The following MYOCD variants were observed in gnomAD, a reference collection of about 807,000 sequenced individuals.
MYOCD encodes myocardin.
A neutral mutation model predicts 96.1 loss-of-function variants in MYOCD; 32 were observed. The observed-to-expected ratio is 0.33, with a 90% CI of 0.25 to 0.45. The LOEUF is 0.45. MYOCD is among the 20% of genes least tolerant of loss of function. The pLI is 1.00. For synonymous variants in MYOCD, 469 were observed against 469.0 expected, an observed-to-expected ratio of 1.00 and a Z score of 0.00; for missense variants, 1,133 against 1,200.6, an observed-to-expected ratio of 0.94 and a Z score of 0.83.
chr17:12,691,945 G>A (rs2150656849), intron 1 of MYOCD, among the ~76,000 whole-genome samples: 1 of 152,266 alleles, frequency 6.6e-6, no homozygotes, highest in Admixed American at 6.5e-5. Flanking sequence ...CAGTCCCCAA[G>A]ACTGGCACTT....
chr17:12,710,917 A>G (rs1013948522), intron 2 of MYOCD, among the ~76,000 whole-genome samples: 2 of 152,190 alleles, frequency 1.3e-5, no homozygotes, highest in Non-Finnish European at 2.9e-5. Context: ...TAGAAACTAG[A>G]AAACTAGTCA....
chr17:12,733,885 A>AGG (rs57623484), intron 5 of MYOCD, among the ~76,000 whole-genome samples: 2 of 139,794 alleles, frequency 1.4e-5, no homozygotes, highest in Non-Finnish European at 1.5e-5. Flanking sequence ...AAAAAAGAAA[A>AGG]AAAGAAAGAA....
intron 1 of MYOCD, among the ~76,000 whole-genome samples, chr17:12,666,644 T>C (rs1316063369): frequency 1.3e-5 from 2 of 152,040 alleles, no homozygotes; most frequent in Admixed American, 1.3e-4. Context: ...GGTACAGGGG[T>C]CACTTAAAAT....
chr17:12,752,977 G>T lies in MYOCD; in HGVS notation c.1689G>T (p.Leu563=). The T allele has an allele frequency of 6.2e-7, 1 of 1,614,164 alleles. No homozygotes were observed. The highest frequency in any genetic ancestry group is 8.5e-7 in the Non-Finnish European group (1 of 1,180,030). ...ATAACTGTTCAGAGAAGAAGCCGCTGCCTTTCCTGGCTGCCTCCATCAAGC... is the reference window on the plus strand; with the variant it reads ...ATAACTGTTCAGAGAAGAAGCCGCTTCCTTTCCTGGCTGCCTCCATCAAGC... ...KRNNCSEKKP[L]PFLAASIKQE... Residue 563 remains leucine, a synonymous_variant, in exon 10 of 14, where the codon CTG becomes CTT. Coordinates refer to ENST00000425538, the MANE Select transcript of MYOCD (RefSeq NM_001146312.3).
In MYOCD at chr17:12,763,094, A is replaced by G; in HGVS notation, c.2411A>G (p.Glu804Gly). The G allele has an allele frequency of 1.2e-6, 2 of 1,612,336 alleles. No individual in the cohort carries two copies. Among genetic ancestry groups the G allele is most frequent in the Non-Finnish European group, 1.7e-6 (2 of 1,179,430 alleles). Reference sequence around the variant, plus strand: ...ACAGAAATGCCAGCAGACGCTAGAGAGGATCACTCATGTCTTCAAAAAGTC... The same window carrying G: ...ACAGAAATGCCAGCAGACGCTAGAGGGGATCACTCATGTCTTCAAAAAGTC... ...ESGEMPADAR[E>G]DHSCLQKVPK... The change falls in exon 14 of 14, where the codon GAG becomes GGG. Residue 804 changes from glutamate to glycine, a missense_variant. Coordinates refer to ENST00000425538, the MANE Select transcript of MYOCD (RefSeq NM_001146312.3).
chr17:12,744,129 A>T (rs1437767488), intron 7 of MYOCD, 54 bp from the exon 8 acceptor site: 14 of 1,581,322 alleles, frequency 8.9e-6, no homozygotes, highest in South Asian at 1.2e-5. Context: ...CATGATGCAA[A>T]ATCATTCTCA....
intron 10 of MYOCD, 27 bp from the exon 11 acceptor site, chr17:12,756,387 T>A (rs1018333078): frequency 1.9e-6 from 3 of 1,551,942 alleles, no homozygotes; most frequent in Non-Finnish European, 2.6e-6. Flanking sequence ...CTGCTGGCCA[T>A]GTAATTTGTC....
Position 12,744,943 on chromosome 17 carries a change from T to C in MYOCD, c.971+507T>C, listed in dbSNP as rs538232457. Among the ~76,000 whole-genome samples the C allele has an allele frequency of 2.0e-5, 3 of 152,342 alleles. No individual in the cohort carries two copies. The East Asian group carries it at 5.8e-4, about 29-fold the overall frequency. ...TAACTGAAATCTTGTAAAGTGAAAC[T>C]GCCAATAGGTGGAGGGACTGCTATA... On this transcript the variant is annotated intron_variant, in intron 8 of 13. Coordinates refer to ENST00000425538, the MANE Select transcript of MYOCD (RefSeq NM_001146312.3).
At chr17:12,690,416 CTCA>C (rs2030385502) in intron 1 of MYOCD, among the ~76,000 whole-genome samples, 1 of 151,942 alleles carries the variant, frequency 6.6e-6, no homozygotes, top group Non-Finnish European at 1.5e-5. Flanking sequence ...TACAAAATGG[CTCA>C]TCTTTAATGA....
At chr17:12,741,575 G>A (rs1023543412) in intron 7 of MYOCD, among the ~76,000 whole-genome samples, 1 of 152,092 alleles carries the variant, frequency 6.6e-6, no homozygotes, top group South Asian at 2.1e-4. Context: ...CGGACGTGGT[G>A]GCGTGTGCCT....
intron 1 of MYOCD, among the ~76,000 whole-genome samples, chr17:12,697,335 G>GTATATATATATA (rs1007347099): frequency 6.5e-5 from 6 of 92,030 alleles, no homozygotes; most frequent in East Asian, 3.2e-4. Flanking sequence ...TGGTATAGGA[G>GTATATATATATA]TATATATATA....
intron 5 of MYOCD, among the ~76,000 whole-genome samples, chr17:12,724,492 T>A (rs558120975): frequency 9.2e-5 from 14 of 152,312 alleles, no homozygotes; most frequent in African/African-American, 3.1e-4. Context: ...CACATCCTTT[T>A]ACCAGTTTGT....
intron 5 of MYOCD, among the ~76,000 whole-genome samples, chr17:12,725,455 C>G (rs948425658): frequency 2.0e-5 from 3 of 147,844 alleles, no homozygotes; most frequent in African/African-American, 7.4e-5. Flanking sequence ...CTATATTATG[C>G]AAACCAAATA....
At chr17:12,686,914 G>A (rs1157405710) in intron 1 of MYOCD, among the ~76,000 whole-genome samples, 1 of 152,194 alleles carries the variant, frequency 6.6e-6, no homozygotes, top group Non-Finnish European at 1.5e-5. Context: ...GGACCCAGAT[G>A]GGTTGGGAGA....
chr17:12,749,904 C>T lies in MYOCD; in HGVS notation c.1126-2510C>T, dbSNP rs1597806466. 2.6e-5 allele frequency among the ~76,000 whole-genome samples: 4 copies of T among 151,926 alleles called. No individual in the cohort carries two copies. The East Asian group carries it at 7.8e-4, about 29-fold the overall frequency. ...TCGCTCTGTCGCCCAGGCTGGAGTG[C>T]AGTGGCCGGATCTCGGCTCACTGCA... On this transcript the variant is annotated intron_variant, in intron 9 of 13. Transcript: ENST00000425538.
rs78013345 is a variant in MYOCD, at chr17:12,704,272, T to A, written c.56-856T>A. ...AAAATGGAATATCCATGAGGAGGAG[T>A]CTGAATTTCCAAAGATAGAATGTGT... On this transcript the variant is annotated intron_variant, in intron 1 of 13. Coordinates refer to ENST00000425538, the MANE Select transcript of MYOCD (RefSeq NM_001146312.3). Among the ~76,000 whole-genome samples, 469 of 152,046 alleles carry A rather than the reference T, an allele frequency of 3.1e-3. 2 individuals are homozygous for A. Among genetic ancestry groups the A allele is most frequent in the African/African-American group, 0.011 (454 of 41,488 alleles).
At chr17:12,696,460 G>A (rs2030757940) in intron 1 of MYOCD, among the ~76,000 whole-genome samples, 1 of 151,172 alleles carries the variant, frequency 6.6e-6, no homozygotes, top group Admixed American at 6.6e-5. Flanking sequence ...GGATCATACA[G>A]TAATACTGTG....
At chr17:12,675,120 A>G (rs537511877) in intron 1 of MYOCD, among the ~76,000 whole-genome samples, 1 of 152,352 alleles carries the variant, frequency 6.6e-6, no homozygotes, top group South Asian at 2.1e-4. Flanking sequence ...GGAGAAAATA[A>G]TCAGTCAGCA....
rs1235381499 is a variant in MYOCD, at chr17:12,707,953, A to ATG, written c.121+2761_121+2762insGT. Among the ~76,000 whole-genome samples the ATG allele has an allele frequency of 1.5e-3, 223 of 146,480 alleles. 1 individual carries two copies. Among genetic ancestry groups the ATG allele is most frequent in the African/African-American group, 4.5e-3 (186 of 41,322 alleles). On this transcript the variant is annotated intron_variant, in intron 2 of 13. Transcript: ENST00000425538. Reference sequence around the variant, plus strand: ...AATTGTTACGTCTTATGCACTATATATATGTGTGTGTGTGTGTATACATAT... The same window carrying ATG: ...AATTGTTACGTCTTATGCACTATATATGTATGTGTGTGTGTGTGTATACATAT...
Sources: gnomAD v4.1 joint callset for allele counts (sites outside exome capture counted in the v4.1 genomes callset) on GRCh38, gnomAD v4.1.1 for gene constraint, MANE v1.5 for transcripts, NCBI Gene and HGNC (gene_info 2026-07-23, HGNC 2026-07-21) for gene names.